SMIM35: variants seen among roughly 807,000 people sequenced by gnomAD.
SMIM35 encodes the protein TMPRSS4 antisense RNA 1 (non-protein coding).
intron 1 of SMIM35, among the ~76,000 whole-genome samples, chr11:118,037,671 G>T (rs1368228706): frequency 1.3e-5 from 2 of 152,222 alleles, no homozygotes; most frequent in African/African-American, 4.8e-5. Context: ...AGTTGATCTT[G>T]CAAGGTGACC....
rs1419002216 is a variant in SMIM35, at chr11:118,006,113, C to CA, written c.*296dup. ...CACCTTCTCTCCCATCCTTCACAAT[C>CA]AACTTTTTGAAAGAATTGAAAGACT... On this transcript the variant is annotated 3_prime_UTR_variant, in exon 5 of 5. Transcript: ENST00000689828. 6.6e-6 allele frequency: 1 copy of CA among 152,296 alleles called. No homozygotes were observed. Among genetic ancestry groups the CA allele is most frequent in the Non-Finnish European group, 1.5e-5 (1 of 68,086 alleles). The allele number at this position is 152,296 out of a possible 1,614,324, so 9.4% of individuals were successfully genotyped here. A position where few individuals can be genotyped will look rare whatever the true frequency, so the allele number is the denominator to read the frequency against.
At chr11:118,075,276 G>C (rs1047910202) in intron 1 of SMIM35, among the ~76,000 whole-genome samples, 1 of 152,256 alleles carries the variant, frequency 6.6e-6, no homozygotes, top group Admixed American at 6.5e-5. Flanking sequence ...CCAGCCATCA[G>C]TAAGGAAGGG....
At chr11:118,047,200 T>C (rs1424835625) in intron 1 of SMIM35, among the ~76,000 whole-genome samples, 2 of 152,218 alleles carry the variant, frequency 1.3e-5, no homozygotes, top group African/African-American at 4.8e-5. Flanking sequence ...TGTGTGCATC[T>C]GCGAGGGTCT....
intron 4 of SMIM35, among the ~76,000 whole-genome samples, chr11:118,012,860 C>G (rs568908222): frequency 1.3e-5 from 2 of 152,186 alleles, no homozygotes; most frequent in South Asian, 4.1e-4. Flanking sequence ...GGCTTTCTGG[C>G]CCCTGGTCAA....
chr11:118,065,290 C>A (rs898592046), intron 1 of SMIM35, among the ~76,000 whole-genome samples: 1 of 152,200 alleles, frequency 6.6e-6, no homozygotes, highest in African/African-American at 2.4e-5. Flanking sequence ...GAAGAGGTAG[C>A]CTTGTCACGT....
rs150957063 is a variant in SMIM35 at position 118,072,858 on chromosome 11, A to T, written c.7+13893T>A. 4.6e-5 allele frequency among the ~76,000 whole-genome samples: 7 copies of T among 152,356 alleles called. No individual in the cohort carries two copies. In the East Asian group the frequency reaches 1.2e-3, roughly 25 times the overall value. On this transcript the variant is annotated intron_variant, in intron 1 of 4. Transcript: ENST00000689828. ...ACATTTTGTGAAATGAATGGGGATA[A>T]CAGTGCCATTTACAACATCTCTCTT...
At chr11:118,037,352 C>T (rs1356694224) in intron 1 of SMIM35, among the ~76,000 whole-genome samples, 1 of 152,246 alleles carries the variant, frequency 6.6e-6, no homozygotes, top group East Asian at 1.9e-4. Flanking sequence ...AAGAGACAAA[C>T]TTAACAAGGA....
intron 1 of SMIM35, among the ~76,000 whole-genome samples, chr11:118,027,679 C>T (rs1024695097): frequency 1.2e-4 from 18 of 152,338 alleles, no homozygotes; most frequent in East Asian, 7.7e-4. Context: ...CCTGAAGACG[C>T]CCCTCATCCA....
intron 1 of SMIM35, among the ~76,000 whole-genome samples, chr11:118,016,956 T>C (rs73011712): frequency 0.096 from 14,556 of 152,176 alleles, 965 homozygotes; most frequent in East Asian, 0.37. Context: ...ATGCTATGCC[T>C]CTTGGTCCTT....
At chr11:118,058,304 C>T (rs958158144) in intron 1 of SMIM35, among the ~76,000 whole-genome samples, 1 of 152,136 alleles carries the variant, frequency 6.6e-6, no homozygotes, top group African/African-American at 2.4e-5. Context: ...TTCCTGGGCT[C>T]ACCCCTCCTT....
At chr11:118,031,958 G>C (rs892155524) in intron 1 of SMIM35, 1 of 151,606 alleles carries the variant, frequency 6.6e-6, no homozygotes, top group Non-Finnish European at 1.5e-5. Flanking sequence ...GGCAAATGGC[G>C]ACACCCCGTC....
At chr11:118,062,810 G>A (rs1944411866) in intron 1 of SMIM35, among the ~76,000 whole-genome samples, 1 of 152,154 alleles carries the variant, frequency 6.6e-6, no homozygotes, top group South Asian at 2.1e-4. Context: ...TAGGAGCTGG[G>A]TAAAATAAGG....
At chr11:118,078,814 G>A (rs1038160412) in intron 1 of SMIM35, among the ~76,000 whole-genome samples, 5 of 152,034 alleles carry the variant, frequency 3.3e-5, no homozygotes, top group Middle Eastern at 3.2e-3. Flanking sequence ...TCATCTTCCC[G>A]AGACTCACCT....
chr11:118,031,243 T>C (rs2058317255), intron 1 of SMIM35, among the ~76,000 whole-genome samples: 2 of 152,342 alleles, frequency 1.3e-5, no homozygotes, highest in Non-Finnish European at 1.5e-5. Flanking sequence ...TGGATGTATG[T>C]AGCTTTGTCC....
At position 118,004,102 on chromosome 11, in the gene SMIM35, C is replaced by T. The variant is rs1365932370; in HGVS notation, c.*2308G>A. 1 of 152,198 alleles carries T rather than the reference C, an allele frequency of 6.6e-6. No homozygotes were observed. Among genetic ancestry groups the T allele is most frequent in the Non-Finnish European group, 1.5e-5 (1 of 68,058 alleles). The allele number at this position is 152,198 out of a possible 1,614,324, so 9.4% of individuals were successfully genotyped here. ...GGCCTTACACGGTGGAGATAAAGAACTCTGGTCTCTCTTCCACTTTCTTAC... is the reference window on the plus strand; with the variant it reads ...GGCCTTACACGGTGGAGATAAAGAATTCTGGTCTCTCTTCCACTTTCTTAC... On this transcript the variant is annotated 3_prime_UTR_variant, in exon 5 of 5. Transcript: ENST00000689828.
chr11:118,077,771 C>T (rs957905881), intron 1 of SMIM35, among the ~76,000 whole-genome samples: 8 of 151,998 alleles, frequency 5.3e-5, no homozygotes, highest in African/African-American at 1.2e-4. Flanking sequence ...CAGCACTTTG[C>T]GAGGCTGAGG....
chr11:118,065,912 T>C (rs1460733938), intron 1 of SMIM35, among the ~76,000 whole-genome samples: 1 of 152,164 alleles, frequency 6.6e-6, no homozygotes, highest in Non-Finnish European at 1.5e-5. Flanking sequence ...GTCTGATACC[T>C]GGGATGCAGC....
intron 1 of SMIM35, among the ~76,000 whole-genome samples, chr11:118,036,390 A>C (rs1170277626): frequency 6.6e-6 from 1 of 152,274 alleles, no homozygotes; most frequent in East Asian, 1.9e-4. Context: ...TATAATAAAA[A>C]TATAAATGGA....
At chr11:118,024,423 A>T (rs960724194) in intron 1 of SMIM35, among the ~76,000 whole-genome samples, 13 of 152,236 alleles carry the variant, frequency 8.5e-5, no homozygotes, top group African/African-American at 2.9e-4. Flanking sequence ...CCTGAGCTAC[A>T]TGTTCACTGT....
Sources: gnomAD v4.1 joint callset for allele counts (sites outside exome capture counted in the v4.1 genomes callset) on GRCh38, gnomAD v4.1.1 for gene constraint, MANE v1.5 for transcripts, NCBI Gene and HGNC (gene_info 2026-07-23, HGNC 2026-07-21) for gene names.